RARB: variants seen among roughly 807,000 people sequenced by gnomAD.
The protein encoded by RARB is retinoic acid receptor beta.
Under a neutral mutation model 51.9 loss-of-function variants are expected in RARB, and 17 were observed. The observed-to-expected ratio is 0.33, with a 90% confidence interval of 0.22 to 0.49. RARB has a LOEUF of 0.49. Ranked by LOEUF, RARB falls within the 20% of genes least tolerant of loss-of-function variation. The probability of loss-of-function intolerance (pLI) is 0.99; values close to 1 mark genes in which losing one functional copy is unlikely to be tolerated. For missense variants in RARB, 369 were observed against 550.8 expected, an observed-to-expected ratio of 0.67 and a Z score of 3.30; for synonymous variants, 215 against 195.4, an observed-to-expected ratio of 1.10 and a Z score of -0.84.
At chr3:24,939,069 G>A (rs1441829651) in intron 2 of RARB, among the ~76,000 whole-genome samples, 2 of 151,246 alleles carry the variant, frequency 1.3e-5, no homozygotes, top group Non-Finnish European at 1.5e-5. Context: ...TGCAACCTCC[G>A]CCTCCCAGGT....
intron 3 of RARB, among the ~76,000 whole-genome samples, chr3:25,568,222 C>T (rs2125282942): frequency 6.6e-6 from 1 of 152,238 alleles, no homozygotes; most frequent in South Asian, 2.1e-4. Context: ...CTCTTCAGAC[C>T]TGTTGGTTTC....
chr3:25,328,947 G>C (rs1473475777), intron 5 of RARB, among the ~76,000 whole-genome samples: 1 of 152,156 alleles, frequency 6.6e-6, no homozygotes, highest in Non-Finnish European at 1.5e-5. Flanking sequence ...GTCTGAGATC[G>C]AACTGCAAGG....
chr3:24,837,051 T>C (rs567966695), intron 1 of RARB, among the ~76,000 whole-genome samples: 4 of 152,298 alleles, frequency 2.6e-5, no homozygotes, highest in African/African-American at 7.2e-5. Flanking sequence ...AATATGATAA[T>C]TTCAGATAGC....
intron 4 of RARB, among the ~76,000 whole-genome samples, chr3:25,167,245 A>G (rs897787376): frequency 6.6e-6 from 1 of 152,258 alleles, no homozygotes; most frequent in Non-Finnish European, 1.5e-5. Context: ...CTTAATGAAC[A>G]TCCAGTGAAA....
At chr3:25,455,939 G>C (rs1178823802) in intron 1 of RARB, among the ~76,000 whole-genome samples, 1 of 152,194 alleles carries the variant, frequency 6.6e-6, no homozygotes, top group Non-Finnish European at 1.5e-5. Context: ...TCTCCAAACT[G>C]AAATCACATC....
chr3:25,139,797 G>C (rs957629582), intron 4 of RARB, among the ~76,000 whole-genome samples: 1 of 152,082 alleles, frequency 6.6e-6, no homozygotes, highest in African/African-American at 2.4e-5. Flanking sequence ...TGGATTCAAA[G>C]GACAGTCTCT....
At chr3:25,246,770 A>G (rs891137759) in intron 5 of RARB, among the ~76,000 whole-genome samples, 1 of 152,150 alleles carries the variant, frequency 6.6e-6, no homozygotes, top group Non-Finnish European at 1.5e-5. Context: ...CCTGCTGGGA[A>G]GTGTCTCCCC....
At chr3:25,223,852 A>C in intron 5 of RARB, among the ~76,000 whole-genome samples, 1 of 152,168 alleles carries the variant, frequency 6.6e-6, no homozygotes, top group Non-Finnish European at 1.5e-5. Context: ...TGCTTTTCCT[A>C]TCCAGTGTAT....
chr3:25,428,491 C>A lies in RARB; in HGVS notation c.-241C>A. ...GAGAACTTGGGATCTTTCTGGGAAC[C>A]CCCCGCCCCGGCTGGATTGGCCGAG... On this transcript the variant is annotated 5_prime_UTR_variant, in exon 1 of 8. Transcript: ENST00000330688. 1 of 1,268,512 alleles carries A rather than the reference C, an allele frequency of 7.9e-7. No individual in the cohort carries two copies. Among genetic ancestry groups the A allele is most frequent in the Non-Finnish European group, 9.9e-7 (1 of 1,008,530 alleles). The allele number at this position is 1,268,512 out of a possible 1,614,324, so 78.6% of individuals were successfully genotyped here. A position where few individuals can be genotyped will look rare whatever the true frequency, so the allele number is the denominator to read the frequency against.
chr3:25,281,100 A>T (rs542234702), intron 5 of RARB, among the ~76,000 whole-genome samples: 1 of 152,216 alleles, frequency 6.6e-6, no homozygotes, highest in Non-Finnish European at 1.5e-5. Flanking sequence ...TCACTACAGA[A>T]TGCTCTTAAA....
intron 2 of RARB, among the ~76,000 whole-genome samples, chr3:24,958,690 T>C (rs73137289): frequency 0.013 from 1,930 of 152,310 alleles, 34 homozygotes; most frequent in African/African-American, 0.043. Flanking sequence ...ATAGAAGTTA[T>C]AGAGTCCTGG....
intron 2 of RARB, among the ~76,000 whole-genome samples, chr3:25,017,769 A>T (rs887610121): frequency 6.6e-6 from 1 of 152,194 alleles, no homozygotes; most frequent in African/African-American, 2.4e-5. Flanking sequence ...ATCACAAAGA[A>T]TAGTATTAAT....
chr3:25,293,465 C>T (rs1353400056), intron 5 of RARB, among the ~76,000 whole-genome samples: 1 of 151,858 alleles, frequency 6.6e-6, no homozygotes, highest in Non-Finnish European at 1.5e-5. Flanking sequence ...GTAGTTGATG[C>T]TATTGTATTG....
chr3:25,107,855 T>G (rs571147137), intron 3 of RARB, among the ~76,000 whole-genome samples: 2 of 152,362 alleles, frequency 1.3e-5, no homozygotes, highest in African/African-American at 2.4e-5. Context: ...ACTGTAGATC[T>G]TAGCAACCTC....
intron 5 of RARB, among the ~76,000 whole-genome samples, chr3:25,316,302 T>A (rs1704423284): frequency 2.6e-5 from 4 of 152,134 alleles, no homozygotes; most frequent in Admixed American, 2.6e-4. Context: ...ACATATAGTA[T>A]TAGAGGAAAG....
At chr3:24,942,847 C>T (rs1695697263) in intron 2 of RARB, among the ~76,000 whole-genome samples, 1 of 152,162 alleles carries the variant, frequency 6.6e-6, no homozygotes, top group Non-Finnish European at 1.5e-5. Context: ...CATAAGATTT[C>T]ACAAAATCAT....
intron 1 of RARB, among the ~76,000 whole-genome samples, chr3:25,435,306 G>C (rs1344103358): frequency 6.6e-6 from 1 of 152,210 alleles, no homozygotes; most frequent in Non-Finnish European, 1.5e-5. Context: ...AATAAGATGA[G>C]TGCATCGGTT....
chr3:25,486,752 C>G (rs1323918058), intron 2 of RARB, among the ~76,000 whole-genome samples: 1 of 152,074 alleles, frequency 6.6e-6, no homozygotes, highest in African/African-American at 2.4e-5. Context: ...CTGATATATC[C>G]AGCACATATA....
At chr3:25,049,546 G>A (rs1698284891) in intron 2 of RARB, among the ~76,000 whole-genome samples, 1 of 152,152 alleles carries the variant, frequency 6.6e-6, no homozygotes, top group African/African-American at 2.4e-5. Flanking sequence ...ATAAAGGCAG[G>A]AATGCACACT....
Sources: allele counts gnomAD v4.1 joint callset (sites outside exome capture counted in the v4.1 genomes callset), GRCh38; gene constraint gnomAD v4.1.1; transcripts MANE v1.5; gene names NCBI Gene and HGNC (gene_info 2026-07-23, HGNC 2026-07-21).